ZMYND8: variants seen among roughly 807,000 people sequenced by gnomAD.
ZMYND8 encodes the protein zinc finger MYND-type containing 8.
Under a neutral mutation model 140.8 loss-of-function variants are expected in ZMYND8, and 37 were observed. The ratio of observed to expected loss-of-function variants is 0.26; its 90% confidence interval spans 0.20 to 0.35. The LOEUF is 0.35. ZMYND8 is among the 10% of genes least tolerant of loss of function. The pLI is 1.00. For synonymous variants in ZMYND8, 592 were observed against 597.1 expected (o/e 0.99, Z 0.12); for missense variants, 1,068 against 1,570.0 (o/e 0.68, Z 5.40).
rs142640155 is a variant in ZMYND8 at position 47,220,868 on chromosome 20, C to T, written c.3417+446G>A. Among the ~76,000 whole-genome samples, 660 of 152,296 alleles carry T rather than the reference C, an allele frequency of 4.3e-3. 5 individuals carry two copies. Among genetic ancestry groups the T allele is most frequent in the Non-Finnish European group, 6.9e-3 (471 of 68,020 alleles). The stretch of plus-strand genomic sequence containing the variant: ...CATACATCACACCCTGGCAAACAAA[C>T]AAGGAGGTGAAACCTTCGTGGCCCA... On this transcript the variant is annotated intron_variant, in intron 20 of 22. Coordinates refer to ENST00000471951, the MANE Select transcript of ZMYND8 (RefSeq NM_001281775.3).
At chr20:47,308,464 G>A (rs113572533) in intron 3 of ZMYND8, among the ~76,000 whole-genome samples, 9 of 152,002 alleles carry the variant, frequency 5.9e-5, no homozygotes, top group African/African-American at 1.7e-4. Context: ...CAGGCGATCC[G>A]TTTGCCTCGG....
rs117238696 is a variant in ZMYND8 at position 47,250,117 on chromosome 20, C to T, written c.1622-678G>A. Among the ~76,000 whole-genome samples the T allele has an allele frequency of 7.4e-3, 1,131 of 152,268 alleles. 7 individuals carry two copies. Among genetic ancestry groups the T allele is most frequent in the Non-Finnish European group, 0.012 (829 of 68,014 alleles). On this transcript the variant is annotated intron_variant, in intron 12 of 22. Coordinates refer to ENST00000471951, the MANE Select transcript of ZMYND8 (RefSeq NM_001281775.3). ...AACAGGTCTCGCTCAAGTAAGAGTC[C>T]AAGGTCCTCAGCCTAGTTCCCAGGC... is the stretch of plus-strand genomic sequence containing the variant.
intron 6 of ZMYND8, among the ~76,000 whole-genome samples, chr20:47,290,811 G>C (rs1227845395): frequency 2.6e-5 from 4 of 151,682 alleles, no homozygotes. Flanking sequence ...GGCTGGTCTC[G>C]AACTCCTGAC....
chr20:47,241,594 A>C (rs913466205), intron 14 of ZMYND8, among the ~76,000 whole-genome samples: 1 of 152,028 alleles, frequency 6.6e-6, no homozygotes, highest in African/African-American at 2.4e-5. Flanking sequence ...AGCCAGAAGC[A>C]CTGAGCAGCA....
intron 3 of ZMYND8, among the ~76,000 whole-genome samples, chr20:47,299,645 C>T (rs1336593279): frequency 6.6e-6 from 1 of 151,988 alleles, no homozygotes; most frequent in Non-Finnish European, 1.5e-5. Flanking sequence ...TGCAGTGGCA[C>T]AATCTTGGCT....
intron 8 of ZMYND8, among the ~76,000 whole-genome samples, chr20:47,285,242 A>G (rs1459632172): frequency 2.0e-5 from 3 of 152,226 alleles, no homozygotes; most frequent in African/African-American, 7.2e-5. Context: ...TTCTACCACT[A>G]TCTGCCTTAT....
intron 2 of ZMYND8, among the ~76,000 whole-genome samples, chr20:47,329,457 T>G (rs1003674849): frequency 6.6e-6 from 1 of 151,946 alleles, no homozygotes; most frequent in Non-Finnish European, 1.5e-5. Context: ...CAGGCTGGAG[T>G]GCAATGGCGT....
intron 14 of ZMYND8, among the ~76,000 whole-genome samples, chr20:47,245,401 C>T (rs2040446447): frequency 6.6e-6 from 1 of 152,264 alleles, no homozygotes; most frequent in South Asian, 2.1e-4. Flanking sequence ...CGCCTGCTAC[C>T]ACGCCCCGCT....
chr20:47,342,743 G>A (rs2082002778), intron 2 of ZMYND8, among the ~76,000 whole-genome samples: 1 of 151,386 alleles, frequency 6.6e-6, no homozygotes. Context: ...AGCTACTATG[G>A]AGGCTGGAGC....
At position 47,210,342 on chromosome 20, in the gene ZMYND8, T is replaced by C. The variant is rs111591010; in HGVS notation, c.*419A>G. The C allele has an allele frequency of 4.1e-3, 703 of 172,490 alleles. 7 individuals carry two copies. The highest frequency in any genetic ancestry group is 0.016 in the African/African-American group (653 of 41,566). The allele number at this position is 172,490 out of a possible 1,614,324, so 10.7% of individuals were successfully genotyped here. A position where few individuals can be genotyped will look rare whatever the true frequency, so the allele number is the denominator to read the frequency against. Reference sequence around the variant, plus strand: ...CGGGCCCAGTATCCATTCCGTCGTGTGACAGACAGGCTAACTGACCATCCC... The same window carrying C: ...CGGGCCCAGTATCCATTCCGTCGTGCGACAGACAGGCTAACTGACCATCCC... On this transcript the variant is annotated 3_prime_UTR_variant, in exon 23 of 23. Transcript: ENST00000471951.
At chr20:47,261,550 T>TATCATCATCATC (rs10563094) in intron 12 of ZMYND8, among the ~76,000 whole-genome samples, 1 of 118,604 alleles carries the variant, frequency 8.4e-6, no homozygotes, top group Non-Finnish European at 2.0e-5. Flanking sequence ...AAAAAACAGT[T>TATCATCATCATC]ATCATCATCA....
At chr20:47,225,615 A>C (rs2037609099) in intron 18 of ZMYND8, among the ~76,000 whole-genome samples, 11 of 129,052 alleles carry the variant, frequency 8.5e-5, no homozygotes, top group South Asian at 2.9e-4. Flanking sequence ...TGGGAGGGGA[A>C]TGGTCCCTCA....
rs781033779 is a variant in ZMYND8, at chr20:47,236,410, G to C, written c.2772C>G (p.Thr924=). ...PLVTSSGSMS[T]LVSSVNADLP... is the part of the protein sequence containing the mutation. ...GGTCAGCGTTGACTGAGGACACAAG[G>C]GTGCTCATGGACCCCGAGCTGGTGA... Residue 924 remains threonine (T), a synonymous_variant, in exon 16 of 23, where the codon ACC becomes ACG. Coordinates refer to ENST00000471951, the MANE Select transcript of ZMYND8 (RefSeq NM_001281775.3). The C allele has an allele frequency of 6.2e-7, 1 of 1,614,098 alleles. No homozygotes were observed. Among genetic ancestry groups the C allele is most frequent in the Non-Finnish European group, 8.5e-7 (1 of 1,180,050 alleles).
intron 7 of ZMYND8, among the ~76,000 whole-genome samples, chr20:47,288,737 C>T (rs1011956453): frequency 2.0e-5 from 3 of 152,212 alleles, no homozygotes; most frequent in African/African-American, 7.2e-5. Context: ...CCCCTCCTTG[C>T]ACTCTCAGCC....
At chr20:47,230,256 G>C (rs374208462) in intron 16 of ZMYND8, among the ~76,000 whole-genome samples, 121 of 151,930 alleles carry the variant, frequency 8.0e-4, no homozygotes, top group African/African-American at 2.7e-3. Flanking sequence ...AAACCGGAGA[G>C]GCCAAATTTG....
At chr20:47,339,761 T>G (rs1306265877) in intron 2 of ZMYND8, among the ~76,000 whole-genome samples, 2 of 151,840 alleles carry the variant, frequency 1.3e-5, no homozygotes, top group African/African-American at 4.8e-5. Context: ...CAGGCGTGAG[T>G]GAGGCACCAC....
rs1212544244 is a variant in ZMYND8, at chr20:47,255,742, ATATATATATATATATATATATACGG to A, written c.1622-6328_1622-6304del. Among the ~76,000 whole-genome samples, 45 of 55,756 alleles carry A rather than the reference ATATATATATATATATATATATACGG, an allele frequency of 8.1e-4. 1 individual carries two copies. Among genetic ancestry groups the A allele is most frequent in the African/African-American group, 3.3e-3 (41 of 12,524 alleles). The allele number at this position is 55,756 out of a possible 152,430, so 36.6% of individuals were successfully genotyped here. On this transcript the variant is annotated intron_variant, in intron 12 of 22. Transcript: ENST00000471951. ...TGTGTGTATATATATATATATATAT[ATATATATATATATATATATATACGG>A]TATATATATATATTTGTATGTGTAT... is the stretch of plus-strand genomic sequence containing the variant.
chr20:47,284,337 C>T (rs187620779), intron 8 of ZMYND8, among the ~76,000 whole-genome samples: 133 of 152,312 alleles, frequency 8.7e-4, no homozygotes, highest in African/African-American at 3.1e-3. Context: ...ACCATTCCCC[C>T]CACCCACAGG....
rs1182165235 is a variant in ZMYND8, at chr20:47,276,492, A to C, written c.1302T>G (p.Pro434=). The change falls in exon 11 of 23, where the codon CCT becomes CCG. Residue 434 remains proline (P), a synonymous_variant. Transcript: ENST00000471951. ...TASPKILMSK[P]VLSGGTGRRI... ...GGCGGCCTGTGCCCCCACTCAGCAC[A>C]GGCTTGCTCATCAGGATCTTGGGGG... 1.2e-6 allele frequency: 2 copies of C among 1,613,880 alleles called. No homozygotes were observed. The highest frequency in any genetic ancestry group is 1.3e-5 in the African/African-American group (1 of 74,878).
Sources: allele counts gnomAD v4.1 joint callset (sites outside exome capture counted in the v4.1 genomes callset), GRCh38; gene constraint gnomAD v4.1.1; transcripts MANE v1.5; gene names NCBI Gene and HGNC (gene_info 2026-07-23, HGNC 2026-07-21).